Variants in ITGA9 observed in about 807,000 individuals in gnomAD.
ITGA9 encodes the protein integrin subunit alpha 9, also known as integrin alpha-9.
Under a neutral mutation model 127.8 loss-of-function variants are expected in ITGA9, and 56 were observed. The observed-to-expected ratio is 0.44, with a 90% CI of 0.35 to 0.55. The LOEUF (loss-of-function observed/expected upper bound fraction) is 0.55, where lower values mean the gene tolerates loss of function less well. ITGA9 is among the 20% of genes least tolerant of loss of function. ITGA9 has a pLI of 0.00. For synonymous variants in ITGA9, 508 were observed against 514.5 expected, an observed-to-expected ratio of 0.99 and a Z score of 0.17; for missense variants, 1,196 against 1,347.1, an observed-to-expected ratio of 0.89 and a Z score of 1.76.
intron 18 of ITGA9, among the ~76,000 whole-genome samples, chr3:37,722,648 C>T (rs1269225017): frequency 6.6e-6 from 1 of 152,218 alleles, no homozygotes; most frequent in Non-Finnish European, 1.5e-5. Flanking sequence ...ATATGTCATA[C>T]TTCATTCTTT....
intron 15 of ITGA9, among the ~76,000 whole-genome samples, chr3:37,621,367 A>C (rs1409765621): frequency 6.6e-6 from 1 of 152,212 alleles, no homozygotes; most frequent in Non-Finnish European, 1.5e-5. Context: ...AGAATTAACA[A>C]AATGTCCATG....
At chr3:37,801,747 A>T (rs1160532103) in intron 26 of ITGA9, among the ~76,000 whole-genome samples, 1 of 152,214 alleles carries the variant, frequency 6.6e-6, no homozygotes, top group Non-Finnish European at 1.5e-5. Context: ...TCTGTGCCAG[A>T]TGCTATGCTG....
intron 1 of ITGA9, among the ~76,000 whole-genome samples, chr3:37,460,514 T>TTATTACA (rs1396126534): frequency 6.6e-6 from 1 of 152,154 alleles, no homozygotes; most frequent in Non-Finnish European, 1.5e-5. Flanking sequence ...CCTGCTGTGG[T>TTATTACA]TATTACATAT....
intron 16 of ITGA9, among the ~76,000 whole-genome samples, chr3:37,643,072 G>C (rs920991939): frequency 5.3e-5 from 8 of 152,190 alleles, no homozygotes; most frequent in African/African-American, 1.9e-4. Flanking sequence ...CACTCCAGAC[G>C]TCAGAACCAG....
At chr3:37,545,795 G>A (rs149232748) in intron 15 of ITGA9, among the ~76,000 whole-genome samples, 2 of 152,250 alleles carry the variant, frequency 1.3e-5, no homozygotes, top group African/African-American at 2.4e-5. Flanking sequence ...CCTCAGCATC[G>A]GGCTCTCCAT....
chr3:37,586,496 G>A (rs1362940238), intron 15 of ITGA9, among the ~76,000 whole-genome samples: 8 of 152,164 alleles, frequency 5.3e-5, no homozygotes, highest in Non-Finnish European at 1.0e-4. Flanking sequence ...TACAGGTCAC[G>A]AAGTCTCTTT....
At chr3:37,694,616 A>G (rs1257359769) in intron 18 of ITGA9, among the ~76,000 whole-genome samples, 2 of 152,228 alleles carry the variant, frequency 1.3e-5, no homozygotes, top group Non-Finnish European at 2.9e-5. Context: ...TACGACAAGG[A>G]TCAATTAAGA....
chr3:37,617,539 A>G (rs1348435969), intron 15 of ITGA9, among the ~76,000 whole-genome samples: 1 of 152,170 alleles, frequency 6.6e-6, no homozygotes, highest in African/African-American at 2.4e-5. Context: ...GTTCTCCTGG[A>G]TAATATCCTG....
chr3:37,686,649 C>A (rs557135576), intron 18 of ITGA9, among the ~76,000 whole-genome samples: 2 of 152,154 alleles, frequency 1.3e-5, no homozygotes, highest in South Asian at 4.2e-4. Context: ...GGTTTCAGTT[C>A]GACAGAAACT....
chr3:37,541,229 G>A (rs1222127219), intron 14 of ITGA9, among the ~76,000 whole-genome samples: 1 of 152,246 alleles, frequency 6.6e-6, no homozygotes, highest in Non-Finnish European at 1.5e-5. Context: ...AGGCAGGTGT[G>A]TGGAGACAGG....
At chr3:37,780,576 A>C (rs957803489) in intron 25 of ITGA9, among the ~76,000 whole-genome samples, 1 of 152,070 alleles carries the variant, frequency 6.6e-6, no homozygotes, top group Admixed American at 6.5e-5. Context: ...CCAGTCATCC[A>C]TTCATGGACA....
At chr3:37,626,447 G>T (rs748882228) in intron 15 of ITGA9, among the ~76,000 whole-genome samples, 1 of 152,064 alleles carries the variant, frequency 6.6e-6, no homozygotes, top group South Asian at 2.1e-4. Flanking sequence ...ATCACTTGAG[G>T]CCAGGAGTTC....
intron 23 of ITGA9, among the ~76,000 whole-genome samples, chr3:37,758,090 G>A (rs1696676049): frequency 2.0e-5 from 3 of 151,204 alleles, no homozygotes; most frequent in Non-Finnish European, 4.4e-5. Context: ...TTGGGAGGCC[G>A]AGGCGGGTGG....
chr3:37,559,618 A>G (rs1699465954), intron 15 of ITGA9, among the ~76,000 whole-genome samples: 1 of 152,196 alleles, frequency 6.6e-6, no homozygotes, highest in Admixed American at 6.5e-5. Flanking sequence ...GGAGGCTCAG[A>G]TACACTCTGT....
At chr3:37,541,445 A>G (rs1215896111) in intron 14 of ITGA9, among the ~76,000 whole-genome samples, 1 of 152,260 alleles carries the variant, frequency 6.6e-6, no homozygotes, top group Non-Finnish European at 1.5e-5. Context: ...ATATTTCTAT[A>G]ATGAAATACA....
intron 14 of ITGA9, among the ~76,000 whole-genome samples, chr3:37,541,758 A>G (rs1699275152): frequency 6.6e-6 from 1 of 152,352 alleles, no homozygotes; most frequent in East Asian, 1.9e-4. Context: ...AGGCAACTCC[A>G]GCCTTCATCT....
intron 18 of ITGA9, among the ~76,000 whole-genome samples, chr3:37,727,267 G>C (rs528585293): frequency 5.9e-5 from 9 of 152,184 alleles, no homozygotes; most frequent in African/African-American, 1.9e-4. Flanking sequence ...ATAAGTCAGG[G>C]ACTATCTGTA....
Position 37,692,410 on chromosome 3 carries a change from A to AGTGTGT in ITGA9, c.2067+8396_2067+8397insTGTGTG, listed in dbSNP as rs1299517222. Reference sequence around the variant, plus strand: ...CTTAATGAAGGATTGAGAGAGAGAGAGAGTGTGTGTGTGTGTGTGTGTGTG... The same window carrying AGTGTGT: ...CTTAATGAAGGATTGAGAGAGAGAGAGTGTGTGAGTGTGTGTGTGTGTGTGTGTGTG... On this transcript the variant is annotated intron_variant, in intron 18 of 27. Transcript: ENST00000264741. 4.4e-3 allele frequency among the ~76,000 whole-genome samples: 603 copies of AGTGTGT among 135,934 alleles called. 4 individuals carry two copies. Among genetic ancestry groups the AGTGTGT allele is most frequent in the African/African-American group, 0.019 (558 of 29,702 alleles). The allele number at this position is 135,934 out of a possible 152,430, so 89.2% of individuals were successfully genotyped here. A position where few individuals can be genotyped will look rare whatever the true frequency, so the allele number is the denominator to read the frequency against.
chr3:37,519,764 C>T (rs1699025947), intron 11 of ITGA9, among the ~76,000 whole-genome samples: 1 of 152,248 alleles, frequency 6.6e-6, no homozygotes, highest in Non-Finnish European at 1.5e-5. Context: ...CACAGACTGT[C>T]GTCCCAGCTG....
Sources: allele counts gnomAD v4.1 joint callset (sites outside exome capture counted in the v4.1 genomes callset), GRCh38; gene constraint gnomAD v4.1.1; transcripts MANE v1.5; gene names NCBI Gene and HGNC (gene_info 2026-07-23, HGNC 2026-07-21).